Variants in PDE1C observed in about 807,000 individuals in gnomAD.
PDE1C encodes the protein dual specificity calcium/calmodulin-dependent 3',5'-cyclic nucleotide phosphodiesterase 1C.
A neutral mutation model predicts 93.1 loss-of-function variants in PDE1C; 62 were observed. That is an observed-to-expected ratio of 0.67 (90% CI 0.54 to 0.82). The LOEUF is 0.82. Ranked by LOEUF, PDE1C falls within the 40% of genes least tolerant of loss-of-function variation. PDE1C has a pLI of 0.00. For synonymous variants in PDE1C, 325 were observed against 310.1 expected (o/e 1.05, Z -0.50); for missense variants, 742 against 884.6 (o/e 0.84, Z 2.04).
chr7:31,864,801 G>A, intron 7 of PDE1C, 141 bp downstream of exon 7: 1 of 784,690 alleles, frequency 1.3e-6, no homozygotes, highest in Non-Finnish European at 2.0e-6. Context: ...TTCCATATTG[G>A]TTAGATTACT....
intron 1 of PDE1C, among the ~76,000 whole-genome samples, chr7:32,292,944 C>T (rs1562655966): frequency 6.6e-6 from 1 of 152,210 alleles, no homozygotes; most frequent in Non-Finnish European, 1.5e-5. Flanking sequence ...CCAGTACCCA[C>T]TTGACTCTTA....
chr7:32,222,412 A>G (rs895964635), intron 1 of PDE1C, among the ~76,000 whole-genome samples: 2 of 152,152 alleles, frequency 1.3e-5, no homozygotes, highest in African/African-American at 4.8e-5. Context: ...GGCCTGGCAC[A>G]CTTGAGCTGC....
At chr7:32,044,141 T>C (rs537045054) in intron 2 of PDE1C, among the ~76,000 whole-genome samples, 18 of 152,202 alleles carry the variant, frequency 1.2e-4, no homozygotes, top group African/African-American at 4.3e-4. Flanking sequence ...TTATACAGAA[T>C]TAGAGAAGCA....
At chr7:31,674,230 T>C in the PDE1C span, among the ~76,000 whole-genome samples, 78 of 152,296 alleles carry the variant, frequency 5.1e-4, no homozygotes, top group African/African-American at 1.7e-3. Context: ...CTTTGTCTGT[T>C]GTCATCTACA....
the PDE1C span, among the ~76,000 whole-genome samples, chr7:31,669,866 C>CA: frequency 1.3e-5 from 2 of 152,110 alleles, no homozygotes; most frequent in Non-Finnish European, 2.9e-5. Flanking sequence ...TAAAAAAGGA[C>CA]AAAATACCCC....
intron 2 of PDE1C, among the ~76,000 whole-genome samples, chr7:32,049,128 G>A (rs1301812947): frequency 6.6e-6 from 1 of 152,104 alleles, no homozygotes; most frequent in African/African-American, 2.4e-5. Context: ...CAAGACTACT[G>A]TGCCCTCTAA....
chr7:31,938,486 G>A (rs1372054904), intron 2 of PDE1C, among the ~76,000 whole-genome samples: 1 of 152,006 alleles, frequency 6.6e-6, no homozygotes, highest in East Asian at 1.9e-4. Context: ...AATATTATTG[G>A]TAGAAAGTTC....
chr7:31,620,119 T>A, the PDE1C span, among the ~76,000 whole-genome samples: 1 of 152,128 alleles, frequency 6.6e-6, no homozygotes, highest in Non-Finnish European at 1.5e-5. Flanking sequence ...TCCAACTGGG[T>A]GGAGCCCACC....
intron 3 of PDE1C, among the ~76,000 whole-genome samples, chr7:32,084,625 A>G (rs901318594): frequency 6.6e-6 from 1 of 151,740 alleles, no homozygotes; most frequent in African/African-American, 2.4e-5. Flanking sequence ...CAGCAAATGT[A>G]AAAGAACAGA....
At chr7:32,289,808 C>T (rs904608859) in intron 1 of PDE1C, among the ~76,000 whole-genome samples, 1 of 152,198 alleles carries the variant, frequency 6.6e-6, no homozygotes, top group East Asian at 1.9e-4. Flanking sequence ...TCCTTTTCTC[C>T]TCCCCAAGCC....
intron 1 of PDE1C, among the ~76,000 whole-genome samples, chr7:32,285,874 C>A (rs190947180): frequency 4.0e-5 from 6 of 151,694 alleles, no homozygotes. Context: ...AAAACTAAGT[C>A]CAAGCGTTTG....
chr7:32,139,406 C>T (rs564947365), intron 3 of PDE1C, among the ~76,000 whole-genome samples: 1 of 142,512 alleles, frequency 7.0e-6, no homozygotes, highest in South Asian at 2.4e-4. Flanking sequence ...GTCCTTCAAA[C>T]TCTGTGAAGA....
intron 16 of PDE1C, chr7:31,808,236 G>A (rs756692406): frequency 1.1e-5 from 5 of 458,798 alleles, no homozygotes; most frequent in Non-Finnish European, 2.1e-5. Context: ...ATGTCTCCAG[G>A]GAGGTATGAT....
intron 1 of PDE1C, among the ~76,000 whole-genome samples, chr7:32,220,254 G>A (rs1486499559): frequency 1.3e-5 from 2 of 152,192 alleles, no homozygotes; most frequent in Non-Finnish European, 2.9e-5. Flanking sequence ...CAGAAGAGGT[G>A]GAGGGACACT....
At chr7:31,934,666 A>G (rs1804785086) in intron 2 of PDE1C, among the ~76,000 whole-genome samples, 1 of 152,112 alleles carries the variant, frequency 6.6e-6, no homozygotes, top group South Asian at 2.1e-4. Flanking sequence ...CATAGTAGGA[A>G]CACTGTAAAG....
chr7:32,082,517 G>A (rs918100665), intron 3 of PDE1C, among the ~76,000 whole-genome samples: 27 of 152,332 alleles, frequency 1.8e-4, no homozygotes, highest in African/African-American at 6.5e-4. Context: ...GCAGCATGCA[G>A]CTGGAGATCT....
the PDE1C span, among the ~76,000 whole-genome samples, chr7:31,650,210 A>G: frequency 2.0e-5 from 3 of 152,222 alleles, no homozygotes; most frequent in Non-Finnish European, 4.4e-5. Context: ...AACATTTAAT[A>G]AATACTCTTA....
intron 3 of PDE1C, among the ~76,000 whole-genome samples, chr7:32,123,412 A>G (rs1799404764): frequency 6.6e-6 from 1 of 152,086 alleles, no homozygotes; most frequent in African/African-American, 2.4e-5. Flanking sequence ...CAATAAACAA[A>G]AAAAAACTTC....
intron 1 of PDE1C, among the ~76,000 whole-genome samples, chr7:32,235,025 C>T (rs1807971671): frequency 6.6e-6 from 1 of 151,990 alleles, no homozygotes. Context: ...TCAGTTGATG[C>T]AGAAAAGGCT....
Sources: allele counts gnomAD v4.1 joint callset (sites outside exome capture counted in the v4.1 genomes callset), GRCh38; gene constraint gnomAD v4.1.1; transcripts MANE v1.5; gene names NCBI Gene and HGNC (gene_info 2026-07-23, HGNC 2026-07-21).